Variants in CYP39A1 observed in about 807,000 individuals in gnomAD.
CYP39A1 encodes the protein cytochrome P450 family 39 subfamily A member 1, also known as 24-hydroxycholesterol 7-alpha-hydroxylase.
Under a neutral mutation model 58.1 loss-of-function variants are expected in CYP39A1, and 49 were observed. The observed-to-expected ratio is 0.84, with a 90% CI of 0.67 to 1.07. CYP39A1 has a LOEUF of 1.07. Ranked by LOEUF, CYP39A1 falls within the 50% of genes least tolerant of loss-of-function variation. The pLI, the probability that CYP39A1 is intolerant of heterozygous loss-of-function variation, is 0.00. For missense variants in CYP39A1, 531 were observed against 539.4 expected, an observed-to-expected ratio of 0.98 and a Z score of 0.16; for synonymous variants, 209 against 187.6, an observed-to-expected ratio of 1.11 and a Z score of -0.93.
intron 10 of CYP39A1, among the ~76,000 whole-genome samples, chr6:46,585,123 A>T (rs936591097): frequency 2.6e-5 from 4 of 152,064 alleles, no homozygotes; most frequent in Non-Finnish European, 4.4e-5. Context: ...ATTACTTTCA[A>T]ACTCAAAAAA....
Position 46,588,036 on chromosome 6 carries a change from G to T in CYP39A1, c.1159C>A (p.Pro387Thr), listed in dbSNP as rs770713300. ...KYFPEPELFK[P>T]ERWKKANLEK... ...ATATACTGAAAGAGATAACTTACAGGTTTGAACAATTCAGGCTCAGGAAAA... is the reference window on the plus strand; with the variant it reads ...ATATACTGAAAGAGATAACTTACAGTTTTGAACAATTCAGGCTCAGGAAAA... The change falls in exon 9 of 12, where the codon CCT becomes ACT. Residue 387 changes from proline to threonine, a missense_variant and splice_region_variant. Physicochemically the swap from Pro to Thr is conservative, Grantham distance 38. Coordinates refer to ENST00000275016, the MANE Select transcript of CYP39A1 (RefSeq NM_016593.5). The T allele has an allele frequency of 1.9e-6, 3 of 1,551,488 alleles. No individual in the cohort carries two copies. The highest frequency in any genetic ancestry group is 2.3e-5 in the East Asian group (1 of 42,722).
chr6:46,618,588 G>A (rs1774760280), intron 7 of CYP39A1, among the ~76,000 whole-genome samples: 1 of 151,946 alleles, frequency 6.6e-6, no homozygotes, highest in Non-Finnish European at 1.5e-5. Flanking sequence ...AAAACCTAGA[G>A]AAAAGTTAAC....
At chr6:46,554,202 TTTAAGA>T (rs1274554600) in intron 10 of CYP39A1, among the ~76,000 whole-genome samples, 2 of 152,176 alleles carry the variant, frequency 1.3e-5, no homozygotes, top group East Asian at 1.9e-4. Context: ...AATAAATAAG[TTTAAGA>T]TTAAGCAAAA....
At position 46,622,523 on chromosome 6, in the gene CYP39A1, G is replaced by A. The variant is rs112340844; in HGVS notation, c.931+2895C>T. On this transcript the variant is annotated intron_variant, in intron 7 of 11. Transcript: ENST00000275016. ...AGCTACTCAGGAGGCTGTGGCAGGA[G>A]GATCACTTGAGCCCAGGAGCTCGAG... Among the ~76,000 whole-genome samples the A allele has an allele frequency of 6.4e-3, 967 of 152,102 alleles. 12 individuals carry two copies. Among genetic ancestry groups the A allele is most frequent in the African/African-American group, 0.022 (902 of 41,508 alleles).
chr6:46,645,456 T>C (rs1762264290), intron 1 of CYP39A1, among the ~76,000 whole-genome samples: 1 of 152,118 alleles, frequency 6.6e-6, no homozygotes, highest in African/African-American at 2.4e-5. Flanking sequence ...CATTGAGTTG[T>C]TTTTGCACCT....
rs535869703 is a variant in CYP39A1, at chr6:46,597,831, T to C, written c.932-1711A>G. On this transcript the variant is annotated intron_variant, in intron 7 of 11. Coordinates refer to ENST00000275016, the MANE Select transcript of CYP39A1 (RefSeq NM_016593.5). The stretch of plus-strand genomic sequence containing the variant: ...TGAGGGAGTGTTAACACCTCAACAA[T>C]GAAACAGTGATATACAGCACTATTC... 9.9e-5 allele frequency among the ~76,000 whole-genome samples: 15 copies of C among 152,216 alleles called. No homozygotes were observed. In the South Asian group the frequency reaches 3.1e-3, roughly 32 times the overall value.
In CYP39A1 at chr6:46,576,261, C is replaced by T. The variant is rs74834088; in HGVS notation, c.1250+10816G>A. Reference sequence around the variant, plus strand: ...TATCCAATCACCTCCCACCAGGACCCGCCTCCAAAACGAAGGATTCCAATT... The same window carrying T: ...TATCCAATCACCTCCCACCAGGACCTGCCTCCAAAACGAAGGATTCCAATT... On this transcript the variant is annotated intron_variant, in intron 10 of 11. Transcript: ENST00000275016. 8.6e-3 allele frequency among the ~76,000 whole-genome samples: 1,309 copies of T among 152,226 alleles called. 18 individuals carry two copies. Among genetic ancestry groups the T allele is most frequent in the African/African-American group, 0.029 (1,189 of 41,528 alleles).
chr6:46,558,377 A>C (rs1019659554), intron 10 of CYP39A1, among the ~76,000 whole-genome samples: 1 of 152,178 alleles, frequency 6.6e-6, no homozygotes, highest in Non-Finnish European at 1.5e-5. Flanking sequence ...CCTTCTTCAC[A>C]TGGTGGCCGG....
chr6:46,558,780 T>A (rs1228396055), intron 10 of CYP39A1, among the ~76,000 whole-genome samples: 1 of 152,048 alleles, frequency 6.6e-6, no homozygotes, highest in African/African-American at 2.4e-5. Context: ...GGTGGATTAC[T>A]AGGTCATGAG....
chr6:46,585,471 C>CA (rs905841543), intron 10 of CYP39A1, among the ~76,000 whole-genome samples: 1 of 151,964 alleles, frequency 6.6e-6, no homozygotes, highest in Admixed American at 6.6e-5. Context: ...GTGACAAAAA[C>CA]AAAAAATTTG....
intron 7 of CYP39A1, among the ~76,000 whole-genome samples, chr6:46,617,153 C>T (rs1277395732): frequency 1.3e-5 from 2 of 152,026 alleles, no homozygotes; most frequent in African/African-American, 2.4e-5. Context: ...TCTTGGCAGA[C>T]ACATCATATT....
chr6:46,594,120 G>T, intron 8 of CYP39A1, among the ~76,000 whole-genome samples: 1 of 151,924 alleles, frequency 6.6e-6, no homozygotes, highest in East Asian at 1.9e-4. Context: ...GGATTATATT[G>T]ATTCTGATTC....
chr6:46,594,749 G>A (rs1256038176), intron 8 of CYP39A1, among the ~76,000 whole-genome samples: 1 of 151,880 alleles, frequency 6.6e-6, no homozygotes, highest in Non-Finnish European at 1.5e-5. Flanking sequence ...AGTGATCTGG[G>A]CAACAATTTT....
At chr6:46,616,233 TCCCTCCCTC>T (rs1256858322) in intron 7 of CYP39A1, among the ~76,000 whole-genome samples, 840 of 45,376 alleles carry the variant, frequency 0.019, 138 homozygotes, top group African/African-American at 0.067. Context: ...CCTCCCTCCC[TCCCTCCCTC>T]CCTTCCTTCC....
intron 10 of CYP39A1, among the ~76,000 whole-genome samples, chr6:46,557,902 T>C (rs1388443043): frequency 5.9e-5 from 8 of 135,062 alleles, no homozygotes; most frequent in Non-Finnish European, 7.6e-5. Context: ...CACCACTGCA[T>C]TCCAGCCTGG....
At chr6:46,634,105 C>T (rs1446871038) in intron 5 of CYP39A1, among the ~76,000 whole-genome samples, 3 of 152,162 alleles carry the variant, frequency 2.0e-5, no homozygotes, top group Non-Finnish European at 4.4e-5. Flanking sequence ...CTTGAATTCC[C>T]ACATGTTGTG....
chr6:46,570,913 T>C (rs986675265), intron 10 of CYP39A1, among the ~76,000 whole-genome samples: 5 of 152,218 alleles, frequency 3.3e-5, no homozygotes, highest in African/African-American at 9.6e-5. Context: ...CACACATCCA[T>C]ACCATATCAG....
chr6:46,580,072 C>T (rs188742698), intron 10 of CYP39A1, among the ~76,000 whole-genome samples: 2 of 152,186 alleles, frequency 1.3e-5, no homozygotes, highest in Admixed American at 6.5e-5. Context: ...AAGGACAAAG[C>T]TAGACACATC....
intron 11 of CYP39A1, among the ~76,000 whole-genome samples, chr6:46,553,142 G>A (rs1169704343): frequency 6.8e-6 from 1 of 147,950 alleles, no homozygotes; most frequent in Non-Finnish European, 1.5e-5. Context: ...TACTGGATCA[G>A]AAATTCTAGC....
Sources: gnomAD v4.1 joint callset for allele counts (sites outside exome capture counted in the v4.1 genomes callset) on GRCh38, gnomAD v4.1.1 for gene constraint, MANE v1.5 for transcripts, NCBI Gene and HGNC (gene_info 2026-07-23, HGNC 2026-07-21) for gene names.